GPC6: variants seen among roughly 807,000 people sequenced by gnomAD.
GPC6 encodes the protein glypican 6.
GPC6 carries 14 observed loss-of-function variants against 55.2 expected under a neutral mutation model. The observed-to-expected ratio is 0.25, with a 90% CI of 0.17 to 0.40. The LOEUF (loss-of-function observed/expected upper bound fraction) is 0.40, where lower values mean the gene tolerates loss of function less well. GPC6 is among the 10% of genes least tolerant of loss of function. The probability of loss-of-function intolerance (pLI) is 1.00; values close to 1 mark genes in which losing one functional copy is unlikely to be tolerated. For synonymous variants in GPC6, 278 were observed against 259.6 expected (o/e 1.07, Z -0.68); for missense variants, 641 against 708.5 (o/e 0.90, Z 1.08).
intron 2 of GPC6, among the ~76,000 whole-genome samples, chr13:93,780,606 C>G: frequency 6.6e-6 from 1 of 151,286 alleles, no homozygotes; most frequent in East Asian, 1.9e-4. Context: ...CACACACACA[C>G]ACACACACAC....
At chr13:93,560,884 G>T (rs529942916) in intron 2 of GPC6, among the ~76,000 whole-genome samples, 13 of 152,050 alleles carry the variant, frequency 8.5e-5, no homozygotes, top group African/African-American at 2.4e-4. Context: ...GTCTTCTTGC[G>T]CATGTCAAAC....
At chr13:93,511,852 A>G (rs924517159) in intron 1 of GPC6, among the ~76,000 whole-genome samples, 2 of 151,718 alleles carry the variant, frequency 1.3e-5, no homozygotes, top group African/African-American at 4.8e-5. Context: ...CTTTCACCCA[A>G]GTTTTGTAGT....
chr13:93,231,344 T>TATATATATATACGTATATATATAC (rs1257795871), intron 1 of GPC6, among the ~76,000 whole-genome samples: 1 of 32,532 alleles, frequency 3.1e-5, no homozygotes, highest in African/African-American at 1.7e-4. Context: ...TATATATATA[T>TATATATATATACGTATATATATAC]ACATATATAT....
chr13:94,377,735 A>C (rs1403577318), intron 6 of GPC6, among the ~76,000 whole-genome samples: 1 of 152,206 alleles, frequency 6.6e-6, no homozygotes. Context: ...TGCTATAAAG[A>C]CACATGCACA....
intron 1 of GPC6, among the ~76,000 whole-genome samples, chr13:93,374,634 T>C (rs1400203054): frequency 6.6e-6 from 1 of 152,216 alleles, no homozygotes; most frequent in Admixed American, 6.5e-5. Context: ...CAATCTTTAA[T>C]AATTCTATGT....
chr13:94,014,695 A>T (rs1882391003), intron 3 of GPC6, among the ~76,000 whole-genome samples: 1 of 151,508 alleles, frequency 6.6e-6, no homozygotes, highest in South Asian at 2.1e-4. Context: ...TGCTTCCATC[A>T]CTCCCTTGCC....
intron 2 of GPC6, among the ~76,000 whole-genome samples, chr13:93,760,079 C>T (rs1216616002): frequency 6.6e-6 from 1 of 151,388 alleles, no homozygotes; most frequent in Non-Finnish European, 1.5e-5. Context: ...TTATGTGCCA[C>T]ACAATGTAAT....
At chr13:93,883,714 C>G (rs1875142337) in intron 3 of GPC6, among the ~76,000 whole-genome samples, 1 of 152,016 alleles carries the variant, frequency 6.6e-6, no homozygotes, top group Non-Finnish European at 1.5e-5. Context: ...TGTCCCTCTT[C>G]TAATTTTGAC....
chr13:93,556,408 G>GTATATATATATA (rs36113667), intron 2 of GPC6, among the ~76,000 whole-genome samples: 1 of 130,960 alleles, frequency 7.6e-6, no homozygotes, highest in African/African-American at 2.8e-5. Flanking sequence ...GTATGTATAT[G>GTATATATATATA]TATATATATA....
chr13:93,316,358 T>C (rs928156070), intron 1 of GPC6, among the ~76,000 whole-genome samples: 5 of 152,148 alleles, frequency 3.3e-5, no homozygotes, highest in Non-Finnish European at 7.4e-5. Context: ...ATTCATGGTT[T>C]GTCTTTCATG....
At chr13:93,794,395 C>T (rs112805127) in intron 2 of GPC6, among the ~76,000 whole-genome samples, 6 of 152,318 alleles carry the variant, frequency 3.9e-5, no homozygotes, top group Admixed American at 1.3e-4. Flanking sequence ...AATCTGGTTT[C>T]ACACACCCTG....
At chr13:93,371,710 G>C (rs1874662720) in intron 1 of GPC6, among the ~76,000 whole-genome samples, 1 of 152,006 alleles carries the variant, frequency 6.6e-6, no homozygotes, top group African/African-American at 2.4e-5. Flanking sequence ...AAGGCTATTA[G>C]GGAAACTAAA....
At chr13:93,220,071 G>A in the GPC6 span, among the ~76,000 whole-genome samples, 2 of 152,120 alleles carry the variant, frequency 1.3e-5, no homozygotes, top group Admixed American at 1.3e-4. Flanking sequence ...AATTTTATCA[G>A]TGTTTTCCAA....
rs1467012692 is a variant in GPC6 at position 93,227,930 on chromosome 13, C to T, written c.160+314C>T. Among the ~76,000 whole-genome samples, 1 of 152,280 alleles carries T rather than the reference C, an allele frequency of 6.6e-6. No homozygotes were observed. Among genetic ancestry groups the T allele is most frequent in the East Asian group, 2.0e-4 (1 of 5,120 alleles). On this transcript the variant is annotated intron_variant, in intron 1 of 8. Coordinates refer to ENST00000377047, the MANE Select transcript of GPC6 (RefSeq NM_005708.5). This position sits in a 1 kb window ranked among gnomAD's most constrained non-coding sequence, Gnocchi z 4.3. ...GCTGGCCAGGGAGCCCGGGTCACTC[C>T]GGGGCGGCTGCAAGGCGCAGACGGA...
chr13:94,339,115 A>G (rs886773009), intron 6 of GPC6, among the ~76,000 whole-genome samples: 1 of 151,550 alleles, frequency 6.6e-6, no homozygotes, highest in African/African-American at 2.4e-5. Context: ...TCCAGGCTAG[A>G]GTGAAGTGGC....
intron 4 of GPC6, among the ~76,000 whole-genome samples, chr13:94,148,277 G>A (rs1357410777): frequency 6.6e-6 from 1 of 152,148 alleles, no homozygotes; most frequent in Admixed American, 6.6e-5. Flanking sequence ...ATTGGCTTGA[G>A]TCATCTTGGA....
chr13:93,904,997 A>G (rs1482652787), intron 3 of GPC6, among the ~76,000 whole-genome samples: 2 of 132,624 alleles, frequency 1.5e-5, no homozygotes, highest in African/African-American at 2.9e-5. Flanking sequence ...TCATTGTTCA[A>G]TTCCCACCTA....
intron 3 of GPC6, among the ~76,000 whole-genome samples, chr13:93,850,012 G>C (rs1374174196): frequency 6.6e-6 from 1 of 152,008 alleles, no homozygotes; most frequent in Non-Finnish European, 1.5e-5. Context: ...TTTCCTCTGA[G>C]AGGTCTTAAT....
intron 4 of GPC6, among the ~76,000 whole-genome samples, chr13:94,117,475 A>G (rs1266600650): frequency 6.6e-6 from 1 of 152,120 alleles, no homozygotes; most frequent in Non-Finnish European, 1.5e-5. Context: ...ACCATTTACA[A>G]TATAGGGCTT....
Sources: allele counts gnomAD v4.1 joint callset (sites outside exome capture counted in the v4.1 genomes callset), GRCh38; gene constraint gnomAD v4.1.1; non-coding constraint Gnocchi (gnomAD v3.1); transcripts MANE v1.5; gene names NCBI Gene and HGNC (gene_info 2026-07-23, HGNC 2026-07-21).